Variants in PRLR observed in about 807,000 individuals in gnomAD.
PRLR encodes the protein prolactin receptor, also known as hPRL receptor.
Under a neutral mutation model 40.2 loss-of-function variants are expected in PRLR, and 13 were observed. That is an observed-to-expected ratio of 0.32 (90% CI 0.21 to 0.51). PRLR has a LOEUF of 0.51. PRLR is among the 20% of genes least tolerant of loss of function. PRLR has a pLI of 0.97. For synonymous variants in PRLR, 269 were observed against 278.7 expected (o/e 0.97, Z 0.35); for missense variants, 656 against 747.3 (o/e 0.88, Z 1.42).
chr5:35,106,055 G>C (rs1335530032), intron 2 of PRLR, among the ~76,000 whole-genome samples: 2 of 152,234 alleles, frequency 1.3e-5, no homozygotes, highest in African/African-American at 4.8e-5. Flanking sequence ...AGCCAGAAGA[G>C]AGTGGGGGCC....
intron 1 of PRLR, among the ~76,000 whole-genome samples, chr5:35,211,513 T>C (rs1776166287): frequency 6.6e-6 from 1 of 152,178 alleles, no homozygotes; most frequent in African/African-American, 2.4e-5. Context: ...ATATGGTTAA[T>C]ACGAAGACAG....
intron 1 of PRLR, among the ~76,000 whole-genome samples, chr5:35,148,400 A>G (rs1291376498): frequency 6.6e-6 from 1 of 152,072 alleles, no homozygotes; most frequent in East Asian, 1.9e-4. Context: ...TCTCCTAAGG[A>G]AAAAAAGGCT....
At chr5:35,215,994 C>T (rs899184443) in intron 1 of PRLR, among the ~76,000 whole-genome samples, 6 of 150,786 alleles carry the variant, frequency 4.0e-5, no homozygotes, top group Non-Finnish European at 7.4e-5. Context: ...GCCGAGATTG[C>T]GCCACTGCAC....
intron 1 of PRLR, among the ~76,000 whole-genome samples, chr5:35,122,721 T>C (rs35322400): frequency 0.12 from 18,743 of 152,254 alleles, 1,929 homozygotes; most frequent in African/African-American, 0.28. Flanking sequence ...TGTGGAGCTC[T>C]TGAATGAAAA....
At chr5:35,077,842 A>G (rs1770221165) in intron 5 of PRLR, among the ~76,000 whole-genome samples, 1 of 152,212 alleles carries the variant, frequency 6.6e-6, no homozygotes, top group Admixed American at 6.5e-5. Flanking sequence ...GACAGAAATT[A>G]TAACAAACTA....
At chr5:35,200,319 G>A (rs998444755) in intron 1 of PRLR, among the ~76,000 whole-genome samples, 3 of 152,122 alleles carry the variant, frequency 2.0e-5, no homozygotes, top group African/African-American at 2.4e-5. Context: ...GTGGCTACAT[G>A]CTGCCCCAGA....
chr5:35,166,554 C>G (rs924095441), intron 1 of PRLR, among the ~76,000 whole-genome samples: 4 of 152,006 alleles, frequency 2.6e-5, no homozygotes, highest in Admixed American at 2.6e-4. Context: ...GATGGTTGAG[C>G]CTTTGGACTG....
intron 2 of PRLR, among the ~76,000 whole-genome samples, chr5:35,106,128 G>A (rs2111593450): frequency 6.6e-6 from 1 of 152,298 alleles, no homozygotes; most frequent in Non-Finnish European, 1.5e-5. Flanking sequence ...GCCAAACTAA[G>A]CTTCATAAGT....
At chr5:35,091,694 G>A (rs1771220071) in intron 2 of PRLR, among the ~76,000 whole-genome samples, 1 of 152,202 alleles carries the variant, frequency 6.6e-6, no homozygotes, top group African/African-American at 2.4e-5. Context: ...AGTAGGGGCA[G>A]GAGAGCCAGA....
chr5:35,162,715 C>G (rs556677760), intron 1 of PRLR, among the ~76,000 whole-genome samples: 2 of 152,274 alleles, frequency 1.3e-5, no homozygotes, highest in South Asian at 4.1e-4. Context: ...AGCAACAGGT[C>G]TGAGTGAGCA....
At chr5:35,185,772 A>G (rs1561354088) in intron 1 of PRLR, among the ~76,000 whole-genome samples, 1 of 152,220 alleles carries the variant, frequency 6.6e-6, no homozygotes, top group Non-Finnish European at 1.5e-5. Flanking sequence ...AGCCTTGACT[A>G]GGTGTCTTTG....
At chr5:35,052,201 C>A (rs1293429149), downstream of PRLR, among the ~76,000 whole-genome samples, 2 of 152,164 alleles carry the variant, frequency 1.3e-5, no homozygotes, top group Admixed American at 6.5e-5. Context: ...AAAAGTTTAG[C>A]AAATTGAACC....
chr5:35,216,720 T>G (rs1776296503), intron 1 of PRLR, among the ~76,000 whole-genome samples: 1 of 152,224 alleles, frequency 6.6e-6, no homozygotes, highest in South Asian at 2.1e-4. Context: ...ATGATTTGGT[T>G]TGGCACTAGT....
chr5:35,147,712 C>T (rs1045611279), intron 1 of PRLR, among the ~76,000 whole-genome samples: 3 of 152,074 alleles, frequency 2.0e-5, no homozygotes, highest in African/African-American at 7.2e-5. Context: ...ATTCAAAGTA[C>T]TATTAATTTT....
At chr5:35,089,059 T>C (rs1421059546) in intron 3 of PRLR, among the ~76,000 whole-genome samples, 1 of 152,218 alleles carries the variant, frequency 6.6e-6, no homozygotes, top group African/African-American at 2.4e-5. Flanking sequence ...GCTGTGGACT[T>C]CATTTCTCCT....
chr5:35,191,498 A>G (rs907405007), intron 1 of PRLR, among the ~76,000 whole-genome samples: 1 of 152,196 alleles, frequency 6.6e-6, no homozygotes, highest in Non-Finnish European at 1.5e-5. Context: ...ATTTTATTAT[A>G]ACAGCGTCCT....
chr5:35,188,011 T>A (rs987901588), intron 1 of PRLR, among the ~76,000 whole-genome samples: 1 of 152,196 alleles, frequency 6.6e-6, no homozygotes, highest in Non-Finnish European at 1.5e-5. Context: ...CCAATCATTT[T>A]CCCTTGGCAG....
chr5:35,068,845 G>T lies in PRLR; in HGVS notation c.719C>A (p.Ser240Tyr), dbSNP rs1296861966. Residue 240 changes from serine (S) to tyrosine (Y), a missense_variant, in exon 8 of 10, where the codon TCT (serine) becomes TAT (tyrosine). Ser to Tyr is a moderately radical substitution (Grantham distance 144). Around this residue, in one of 3 missense-constraint regions of PRLR, gnomAD observed 469 missense variants for 491.5 expected, o/e 0.95. Coordinates refer to ENST00000618457, the MANE Select transcript of PRLR (RefSeq NM_000949.7). ...FTMNDTTVWI[S>Y]VAVLSAVICL... ...GATGACAGCAGAAAGGACAGCCACA[G>T]AGATCCACACGGTTGTATCATTCAT... The T allele has an allele frequency of 1.2e-6, 2 of 1,613,102 alleles. No homozygotes were observed. Among genetic ancestry groups the T allele is most frequent in the Non-Finnish European group, 1.7e-6 (2 of 1,179,388 alleles).
At chr5:35,114,981 C>T (rs1772922585) in intron 2 of PRLR, among the ~76,000 whole-genome samples, 1 of 152,170 alleles carries the variant, frequency 6.6e-6, no homozygotes, top group Non-Finnish European at 1.5e-5. Flanking sequence ...TTTTCCAGAA[C>T]TCTCTGCTGG....
Sources: gnomAD v4.1 joint callset for allele counts (sites outside exome capture counted in the v4.1 genomes callset) on GRCh38, gnomAD v4.1.1 for gene constraint, gnomAD v4.1.1 regional missense constraint, MANE v1.5 for transcripts, NCBI Gene and HGNC (gene_info 2026-07-23, HGNC 2026-07-21) for gene names.